Variants in CNOT10 observed in about 807,000 individuals in gnomAD.
CNOT10 encodes the protein CCR4-NOT transcription complex, subunit 10.
In CNOT10, 30 loss-of-function variants were observed where a neutral mutation model predicts 94.6. The ratio of observed to expected loss-of-function variants is 0.32; its 90% CI spans 0.24 to 0.43. The LOEUF is 0.43. CNOT10 is among the 20% of genes least tolerant of loss of function. The probability of loss-of-function intolerance (pLI) is 1.00; values close to 1 mark genes in which losing one functional copy is unlikely to be tolerated. For missense variants in CNOT10, 759 were observed against 877.2 expected, an observed-to-expected ratio of 0.87 and a Z score of 1.70; for synonymous variants, 289 against 301.6, an observed-to-expected ratio of 0.96 and a Z score of 0.43.
At chr3:32,736,614 G>C (rs1019417556) in intron 12 of CNOT10, among the ~76,000 whole-genome samples, 2 of 152,054 alleles carry the variant, frequency 1.3e-5, no homozygotes, top group African/African-American at 2.4e-5. Context: ...ATCTCTACAA[G>C]AAATAAAAAA....
At chr3:32,734,766 A>C in intron 11 of CNOT10, 34 bp from the exon 12 acceptor site, 1 of 1,499,722 alleles carries the variant, frequency 6.7e-7, no homozygotes, top group Non-Finnish European at 9.0e-7. Context: ...AAAATATTTT[A>C]TCCACTTAGC....
At chr3:32,735,344 C>CAAAAAAAAAAAAAAAAAAAA (rs1267480500) in intron 12 of CNOT10, among the ~76,000 whole-genome samples, 1 of 151,004 alleles carries the variant, frequency 6.6e-6, no homozygotes, top group African/African-American at 2.4e-5. Flanking sequence ...GACTTCATCT[C>CAAAAAAAAAAAAAAAAAAAA]AAAAAAGAAA....
intron 13 of CNOT10, among the ~76,000 whole-genome samples, chr3:32,748,403 T>C (rs1699804087): frequency 6.6e-6 from 1 of 152,192 alleles, no homozygotes; most frequent in Non-Finnish European, 1.5e-5. Flanking sequence ...TTGGCTATAT[T>C]CTTTGATTTA....
At chr3:32,720,720 A>G (rs1183789397) in intron 8 of CNOT10, among the ~76,000 whole-genome samples, 1 of 151,978 alleles carries the variant, frequency 6.6e-6, no homozygotes, top group African/African-American at 2.4e-5. Flanking sequence ...CCTGGGCTCA[A>G]GTGATCCGCT....
chr3:32,689,365 AAAAG>A (rs1696758657), intron 1 of CNOT10, among the ~76,000 whole-genome samples: 1 of 151,992 alleles, frequency 6.6e-6, no homozygotes, highest in South Asian at 2.1e-4. Flanking sequence ...AAAAAAAAAA[AAAAG>A]AAAAAGAAAA....
rs114626922 is a variant in CNOT10, at chr3:32,692,109, C to T, written c.22+6627C>T. 5.2e-3 allele frequency among the ~76,000 whole-genome samples: 791 copies of T among 151,216 alleles called. 6 individuals are homozygous for T. The highest frequency in any genetic ancestry group is 0.018 in the African/African-American group (728 of 41,186). On this transcript the variant is annotated intron_variant, in intron 1 of 18. Transcript: ENST00000328834. ...GGCATGGTGGTTCATACCTATAAAT[C>T]CTAGCACTTTGGGAGGCCGAGGTGG...
intron 13 of CNOT10, among the ~76,000 whole-genome samples, chr3:32,739,607 T>C (rs1699364478): frequency 6.7e-6 from 1 of 148,934 alleles, no homozygotes; most frequent in African/African-American, 2.5e-5. Flanking sequence ...GGCAACATGG[T>C]GAGACCCTGT....
intron 13 of CNOT10, among the ~76,000 whole-genome samples, chr3:32,759,120 A>G (rs1700330523): frequency 1.1e-5 from 1 of 89,278 alleles, no homozygotes; most frequent in Admixed American, 1.5e-4. Flanking sequence ...TCATTAGGCT[A>G]TATATATATA....
At position 32,695,631 on chromosome 3, in the gene CNOT10, G is replaced by A. The variant is rs1438171708; in HGVS notation, c.23-8237G>A. The A allele has an allele frequency of 9.1e-6, 14 of 1,535,788 alleles. No homozygotes were observed. The African/African-American group carries it at 1.9e-4, about 21-fold the overall frequency. On this transcript the variant is annotated intron_variant, in intron 1 of 18. Coordinates refer to ENST00000328834, the MANE Select transcript of CNOT10 (RefSeq NM_015442.3). Reference sequence around the variant, plus strand: ...AGGCAATTGTTTATTTAGAAATGAAGTCTATTGGTGTAAAGACTGTCAAGG... The same window carrying A: ...AGGCAATTGTTTATTTAGAAATGAAATCTATTGGTGTAAAGACTGTCAAGG...
intron 13 of CNOT10, chr3:32,753,812 G>A: frequency 6.3e-7 from 1 of 1,586,542 alleles, no homozygotes; most frequent in African/African-American, 1.3e-5. Flanking sequence ...ATGGGAGTCT[G>A]ATGGTACAGT....
At chr3:32,759,424 T>G in intron 13 of CNOT10, 34 bp from the exon 14 acceptor site, 3,091 of 1,363,042 alleles carry the variant, frequency 2.3e-3, no homozygotes, top group Non-Finnish European at 3.0e-3. Flanking sequence ...ATGTTTAAAA[T>G]GAGATTTTCG....
intron 4 of CNOT10, among the ~76,000 whole-genome samples, chr3:32,709,884 C>T (rs955821966): frequency 6.6e-6 from 1 of 152,094 alleles, no homozygotes; most frequent in African/African-American, 2.4e-5. Flanking sequence ...CAGTGGCTCA[C>T]GCCTGTAATC....
intron 13 of CNOT10, among the ~76,000 whole-genome samples, chr3:32,751,141 C>G (rs1699947129): frequency 6.6e-6 from 1 of 152,198 alleles, no homozygotes; most frequent in Non-Finnish European, 1.5e-5. Flanking sequence ...TGCTCTGTCG[C>G]CCAGGCTAGA....
chr3:32,750,118 G>A (rs1699895299), intron 13 of CNOT10, among the ~76,000 whole-genome samples: 1 of 152,040 alleles, frequency 6.6e-6, no homozygotes, highest in Admixed American at 6.6e-5. Flanking sequence ...GACTGAGGTG[G>A]GAGGATCGCT....
At chr3:32,711,827 G>A (rs541196268) in intron 4 of CNOT10, among the ~76,000 whole-genome samples, 4 of 152,238 alleles carry the variant, frequency 2.6e-5, no homozygotes, top group East Asian at 3.9e-4. Flanking sequence ...AATTAGCCAC[G>A]GGCAGAAGAG....
intron 18 of CNOT10, among the ~76,000 whole-genome samples, chr3:32,771,581 C>T (rs910091728): frequency 2.9e-4 from 44 of 152,126 alleles, no homozygotes; most frequent in African/African-American, 1.0e-3. Flanking sequence ...ATCTGGGCGA[C>T]AGAGTGAAAC....
chr3:32,740,881 A>AT (rs1245891729), intron 13 of CNOT10, among the ~76,000 whole-genome samples: 1 of 135,946 alleles, frequency 7.4e-6, no homozygotes, highest in Non-Finnish European at 1.7e-5. Context: ...AAAAAAAAAA[A>AT]TTTGTGTAGG....
intron 12 of CNOT10, 136 bp downstream of exon 12, chr3:32,735,112 GTATT>G (rs1184083857): frequency 1.4e-6 from 1 of 728,034 alleles, no homozygotes; most frequent in African/African-American, 1.8e-5. Context: ...AGAAAGGAAA[GTATT>G]TATGTTTCTG....
intron 10 of CNOT10, among the ~76,000 whole-genome samples, chr3:32,729,301 A>G (rs1698831459): frequency 6.6e-6 from 1 of 152,200 alleles, no homozygotes; most frequent in Non-Finnish European, 1.5e-5. Context: ...CTAAATGGCA[A>G]TTGGTGGAAG....
Sources: gnomAD v4.1 joint callset for allele counts (sites outside exome capture counted in the v4.1 genomes callset) on GRCh38, gnomAD v4.1.1 for gene constraint, MANE v1.5 for transcripts, NCBI Gene and HGNC (gene_info 2026-07-23, HGNC 2026-07-21) for gene names.